The following WSB1 variants were observed in gnomAD, a reference collection of about 807,000 sequenced individuals.
WSB1 encodes the protein WD repeat and SOCS box containing 1.
In WSB1, 23 loss-of-function variants were observed where a neutral mutation model predicts 50.2. The observed-to-expected ratio is 0.46, with a 90% CI of 0.33 to 0.65. The LOEUF (loss-of-function observed/expected upper bound fraction) is 0.65. Ranked by LOEUF, WSB1 falls within the 30% of genes least tolerant of loss-of-function variation. The pLI, the probability that WSB1 is intolerant of heterozygous loss-of-function variation, is 0.02. For synonymous variants in WSB1, 179 were observed against 172.0 expected, an observed-to-expected ratio of 1.04 and a Z score of -0.32; for missense variants, 492 against 522.3, an observed-to-expected ratio of 0.94 and a Z score of 0.56.
At position 27,312,510 on chromosome 17, in the gene WSB1, G is replaced by C. The variant is rs531682168; in HGVS notation, c.*141G>C. On this transcript the variant is annotated 3_prime_UTR_variant, in exon 9 of 9. Coordinates refer to ENST00000262394, the MANE Select transcript of WSB1 (RefSeq NM_015626.10). ...ATGTTCTTGTACTGCATTTTGATCA[G>C]TTGAGCTTTTAAAATATTATTTATA... is the stretch of plus-strand genomic sequence containing the variant. 1 of 1,106,494 alleles carries C rather than the reference G, an allele frequency of 9.0e-7. No individual in the cohort carries two copies. Among genetic ancestry groups the C allele is most frequent in the Admixed American group, 2.8e-5 (1 of 35,598 alleles). The allele number at this position is 1,106,494 out of a possible 1,614,324, so 68.5% of individuals were successfully genotyped here. A position where few individuals can be genotyped will look rare whatever the true frequency, so the allele number is the denominator to read the frequency against.
At position 27,315,786 on chromosome 17, in the gene WSB1, T is replaced by C. The variant is rs1222942552; in HGVS notation, c.*3417T>C. The C allele has an allele frequency of 1.3e-5, 2 of 152,240 alleles. No homozygotes were observed. The highest frequency in any genetic ancestry group is 2.9e-5 in the Non-Finnish European group (2 of 68,038). The allele number at this position is 152,240 out of a possible 1,614,324, so 9.4% of individuals were successfully genotyped here. On this transcript the variant is annotated 3_prime_UTR_variant, in exon 9 of 9. Transcript: ENST00000262394. ...ACTATAAAACAAATATCTAGAGTTA[T>C]ATATGGATGTACTATCATTTGGTGA...
At position 27,304,535 on chromosome 17, in the gene WSB1, C is replaced by CAAAAAAA. The variant is rs10660665; in HGVS notation, c.479-222_479-216dup. Among the ~76,000 whole-genome samples, 13 of 38,696 alleles carry CAAAAAAA rather than the reference C, an allele frequency of 3.4e-4. 1 individual carries two copies. The highest frequency in any genetic ancestry group is 1.0e-3 in the East Asian group (1 of 954). The allele number at this position is 38,696 out of a possible 152,430, so 25.4% of individuals were successfully genotyped here. On this transcript the variant is annotated intron_variant, in intron 3 of 8. Coordinates refer to ENST00000262394, the MANE Select transcript of WSB1 (RefSeq NM_015626.10). Reference sequence around the variant, plus strand: ...GCAACATAGTGAGACTCCATCTCTCCAAAAAAAAAAAAAAAAAAAAAAAAA... The same window carrying CAAAAAAA: ...GCAACATAGTGAGACTCCATCTCTCCAAAAAAAAAAAAAAAAAAAAAAAAAAAAAAAA...
intron 5 of WSB1, chr17:27,308,291 A>G (rs1269858939): frequency 3.0e-6 from 3 of 985,954 alleles, no homozygotes; most frequent in Non-Finnish European, 3.6e-6. Flanking sequence ...ATTTAATATA[A>G]CAGACTGAAG....
Position 27,304,849 on chromosome 17 carries a change from G to A in WSB1, c.548G>A (p.Ser183Asn), listed in dbSNP as rs139247524. 3 of 1,613,932 alleles carry A rather than the reference G, an allele frequency of 1.9e-6. No homozygotes were observed. The highest frequency in any genetic ancestry group is 1.3e-5 in the African/African-American group (1 of 74,892). Residue 183 changes from serine to asparagine, a missense_variant, in exon 4 of 9, where the codon AGC becomes AAC. Ser to Asn is a conservative substitution (Grantham distance 46, BLOSUM62 1). Coordinates refer to ENST00000262394, the MANE Select transcript of WSB1 (RefSeq NM_015626.10). The stretch of plus-strand genomic sequence containing the variant: ...GATTTAACTTTTGCTCCAGATGGAA[G>A]CTTGATCCTGGTGTCAGCTTCAAGA... ...VRDLTFAPDG[S>N]LILVSASRDK...
rs2017219276 is a variant in WSB1 at position 27,301,272 on chromosome 17, TGAAAAGGGTA to T, written c.41-515_41-506del. Among the ~76,000 whole-genome samples, 3 of 152,204 alleles carry T rather than the reference TGAAAAGGGTA, an allele frequency of 2.0e-5. No individual in the cohort carries two copies. The South Asian group carries it at 6.2e-4, about 32-fold the overall frequency. On this transcript the variant is annotated intron_variant, in intron 1 of 8. Coordinates refer to ENST00000262394, the MANE Select transcript of WSB1 (RefSeq NM_015626.10). ...TTTTGTGATTTTTGTGACCTGGGCCTGAAAAGGGTAAAAATACTTGTTTGGATAGTGTATT... is the reference window on the plus strand; with the variant it reads ...TTTTGTGATTTTTGTGACCTGGGCCTAAAATACTTGTTTGGATAGTGTATT...
chr17:27,303,679 G>T, intron 3 of WSB1, 44 bp downstream of exon 3: 1 of 1,592,304 alleles, frequency 6.3e-7, no homozygotes, highest in Non-Finnish European at 8.6e-7. Context: ...ATTTTATGAT[G>T]CAGGGCACTG....
At position 27,294,227 on chromosome 17, in the gene WSB1, G is replaced by T; in HGVS notation, c.-169G>T. On this transcript the variant is annotated 5_prime_UTR_variant, in exon 1 of 9. Transcript: ENST00000262394. ...TCCGTACTTTGGTCTGAGGCCTTCGGGAGCTTTCCCGAGGCAGTTAGCAGA... is the reference window on the plus strand; with the variant it reads ...TCCGTACTTTGGTCTGAGGCCTTCGTGAGCTTTCCCGAGGCAGTTAGCAGA... 1 of 840,870 alleles carries T rather than the reference G, an allele frequency of 1.2e-6. No individual in the cohort carries two copies. The allele number at this position is 840,870 out of a possible 1,614,324, so 52.1% of individuals were successfully genotyped here.
In WSB1 at chr17:27,314,709, G is replaced by C. The variant is rs1356730618; in HGVS notation, c.*2340G>C. 6.6e-6 allele frequency: 1 copy of C among 151,022 alleles called. No homozygotes were observed. The highest frequency in any genetic ancestry group is 2.0e-4 in the East Asian group (1 of 5,126). 9.4% of individuals were successfully genotyped at this position (151,022 alleles called of 1,614,324 possible). ...GAGACGGAGTCTCACACTGTCACCT[G>C]GGCTGGAGTGCAGTGGTGCGATCTT... On this transcript the variant is annotated 3_prime_UTR_variant, in exon 9 of 9. Coordinates refer to ENST00000262394, the MANE Select transcript of WSB1 (RefSeq NM_015626.10).
At chr17:27,297,115 CTT>C (rs2017010044) in intron 1 of WSB1, 1 of 151,458 alleles carries the variant, frequency 6.6e-6, no homozygotes, top group African/African-American at 2.4e-5. Flanking sequence ...ATTTCATTGT[CTT>C]TGCTATCTAT....
At chr17:27,306,480 G>A (rs1423029806) in intron 4 of WSB1, among the ~76,000 whole-genome samples, 2 of 152,080 alleles carry the variant, frequency 1.3e-5, no homozygotes, top group East Asian at 3.9e-4. Flanking sequence ...CTCTCAAAGT[G>A]CTGGAATTAC....
Position 27,303,375 on chromosome 17 carries a change from A to T in WSB1, c.218A>T (p.His73Leu). ...WSQCLQNFLL[H>L]GTKNVTNSSS... Reference sequence around the variant, plus strand: ...GACTTCCCCCACTCCAGTCTCTTGCATGGCACCAAGAATGTTACCAATTCA... The same window carrying T: ...GACTTCCCCCACTCCAGTCTCTTGCTTGGCACCAAGAATGTTACCAATTCA... The change falls in exon 3 of 9, where the codon CAT becomes CTT. Residue 73 changes from histidine (H) to leucine (L), a missense_variant. Coordinates refer to ENST00000262394, the MANE Select transcript of WSB1 (RefSeq NM_015626.10). 1 of 1,613,922 alleles carries T rather than the reference A, an allele frequency of 6.2e-7. No individual in the cohort carries two copies.
rs563250660 is a variant in WSB1 at position 27,314,111 on chromosome 17, A to G, written c.*1742A>G. 6.6e-6 allele frequency: 1 copy of G among 152,210 alleles called. No homozygotes were observed. The highest frequency in any genetic ancestry group is 1.5e-5 in the Non-Finnish European group (1 of 68,042). 9.4% of individuals were successfully genotyped at this position (152,210 alleles called of 1,614,324 possible). A position where few individuals can be genotyped will look rare whatever the true frequency, so the allele number is the denominator to read the frequency against. On this transcript the variant is annotated 3_prime_UTR_variant, in exon 9 of 9. Transcript: ENST00000262394. ...GCTCTGTTAAGGAATGTAAAAATTT[A>G]TAGGGGGTGTAGGGTTATCAATTTG... is the stretch of plus-strand genomic sequence containing the variant.
intron 1 of WSB1, among the ~76,000 whole-genome samples, chr17:27,295,352 A>G (rs565267283): frequency 6.6e-6 from 1 of 152,178 alleles, no homozygotes; most frequent in African/African-American, 2.4e-5. Context: ...GTGTGCCTTT[A>G]CTAAGTACAA....
Position 27,294,179 on chromosome 17 carries a change from AGGG to A in WSB1, c.-216_-214del. On this transcript the variant is annotated 5_prime_UTR_variant, in exon 1 of 9. Transcript: ENST00000262394. The stretch of plus-strand genomic sequence containing the variant: ...CCTCCGCAGGCGCGAGGCTGGGTAC[AGGG>A]TCTATTGTCTGTGGTTGACTCCGTA... The A allele has an allele frequency of 4.4e-6, 2 of 454,486 alleles. No individual in the cohort carries two copies. The highest frequency in any genetic ancestry group is 7.8e-6 in the Non-Finnish European group (2 of 255,974). 28.2% of individuals were successfully genotyped at this position (454,486 alleles called of 1,614,324 possible). A position where few individuals can be genotyped will look rare whatever the true frequency, so the allele number is the denominator to read the frequency against.
chr17:27,295,990 C>A (rs1395839397), intron 1 of WSB1, among the ~76,000 whole-genome samples: 1 of 151,996 alleles, frequency 6.6e-6, no homozygotes, highest in Non-Finnish European at 1.5e-5. Flanking sequence ...GGCATGCACA[C>A]GCCCGGCTAA....
In WSB1 at chr17:27,313,675, TTCTC is replaced by T. The variant is rs1259617209; in HGVS notation, c.*1310_*1313del. The T allele has an allele frequency of 1.3e-5, 2 of 152,142 alleles. No homozygotes were observed. The highest frequency in any genetic ancestry group is 2.1e-4 in the South Asian group (1 of 4,820). The allele number at this position is 152,142 out of a possible 1,614,324, so 9.4% of individuals were successfully genotyped here. A position where few individuals can be genotyped will look rare whatever the true frequency, so the allele number is the denominator to read the frequency against. Reference sequence around the variant, plus strand: ...TCTTAAATAGGTTAGGTGGAGTACTTTCTCTCTGTCTCCATTGTAAGGTTGATGG... The same window carrying T: ...TCTTAAATAGGTTAGGTGGAGTACTTTCTGTCTCCATTGTAAGGTTGATGG... On this transcript the variant is annotated 3_prime_UTR_variant, in exon 9 of 9. Transcript: ENST00000262394.
In WSB1 at chr17:27,294,379, C is replaced by T; in HGVS notation, c.-17C>T. The T allele has an allele frequency of 6.2e-7, 1 of 1,613,032 alleles. No individual in the cohort carries two copies. Among genetic ancestry groups the T allele is most frequent in the Non-Finnish European group, 8.5e-7 (1 of 1,179,334 alleles). ...TGGGTCCGCATCGTATTCCCGGAAT[C>T]AGACGGTGCCCCATAGATGGCCAGC... On this transcript the variant is annotated 5_prime_UTR_variant, in exon 1 of 9. Coordinates refer to ENST00000262394, the MANE Select transcript of WSB1 (RefSeq NM_015626.10).
At chr17:27,304,653 A>C in intron 3 of WSB1, 127 bp from the exon 4 acceptor site, 1 of 793,732 alleles carries the variant, frequency 1.3e-6, no homozygotes, top group Non-Finnish European at 1.9e-6. Flanking sequence ...TCGAGGCTGT[A>C]GTGAGCCAAG....
At chr17:27,308,522 T>G (rs1005699899) in intron 5 of WSB1, 1 of 985,712 alleles carries the variant, frequency 1.0e-6, no homozygotes, top group African/African-American at 1.7e-5. Flanking sequence ...GTAATGTGGT[T>G]TAACATCCTT....
Sources: gnomAD v4.1 joint callset for allele counts (sites outside exome capture counted in the v4.1 genomes callset) on GRCh38, gnomAD v4.1.1 for gene constraint, MANE v1.5 for transcripts, NCBI Gene and HGNC (gene_info 2026-07-23, HGNC 2026-07-21) for gene names.